Variants in AMBRA1 observed in about 807,000 individuals in gnomAD.
The protein encoded by AMBRA1 is activating molecule in BECN1-regulated autophagy protein 1.
AMBRA1 carries 47 observed loss-of-function variants against 125.4 expected under a neutral mutation model. The observed-to-expected ratio is 0.37, with a 90% CI of 0.30 to 0.48. The LOEUF (loss-of-function observed/expected upper bound fraction) is 0.48. Among genes scored for constraint, AMBRA1 ranks in the 20% least tolerant of loss-of-function variants. The pLI, the probability that AMBRA1 is intolerant of heterozygous loss-of-function variation, is 0.99. For missense variants in AMBRA1, 1,331 were observed against 1,693.4 expected (o/e 0.79, Z 3.76); for synonymous variants, 626 against 655.5 (o/e 0.95, Z 0.69).
intron 11 of AMBRA1, among the ~76,000 whole-genome samples, chr11:46,476,188 G>A (rs1427960538): frequency 6.6e-6 from 1 of 152,212 alleles, no homozygotes; most frequent in East Asian, 1.9e-4. Context: ...AAATCAGCCA[G>A]TCAGTGTTTC....
intron 11 of AMBRA1, among the ~76,000 whole-genome samples, chr11:46,492,557 AT>A (rs1554986037): frequency 6.6e-6 from 1 of 152,220 alleles, no homozygotes; most frequent in Non-Finnish European, 1.5e-5. Flanking sequence ...TCATAAATTT[AT>A]AAGTCGGCAG....
rs566487785 is a variant in AMBRA1, at chr11:46,567,546, A to G, written c.-120-19046T>C. On this transcript the variant is annotated intron_variant, in intron 1 of 17. Transcript: ENST00000683756. The stretch of plus-strand genomic sequence containing the variant: ...ACATTAATTTTCATATTTTTAGTAG[A>G]GATGGGGTTTCGCCATGTTGGCCAA... Among the ~76,000 whole-genome samples the G allele has an allele frequency of 1.1e-3, 164 of 151,476 alleles. 3 individuals carry two copies. In the South Asian group the frequency reaches 0.033, roughly 31 times the overall value.
rs188092868 is a variant in AMBRA1 at position 46,572,919 on chromosome 11, G to A, written c.-121+20909C>T. Among the ~76,000 whole-genome samples the A allele has an allele frequency of 2.9e-3, 439 of 151,712 alleles. 4 individuals are homozygous for A. The highest frequency in any genetic ancestry group is 9.6e-3 in the African/African-American group (398 of 41,358). On this transcript the variant is annotated intron_variant, in intron 1 of 17. Coordinates refer to ENST00000683756, the MANE Select transcript of AMBRA1 (RefSeq NM_001387011.1). ...AGCCTGCCCAACCTGGTGAAACTCCGTCTCTACTAAAAATAAAAAAAATTA... is the reference window on the plus strand; with the variant it reads ...AGCCTGCCCAACCTGGTGAAACTCCATCTCTACTAAAAATAAAAAAAATTA...
intron 1 of AMBRA1, among the ~76,000 whole-genome samples, chr11:46,580,136 A>G (rs112460328): frequency 6.6e-5 from 10 of 152,304 alleles, no homozygotes; most frequent in East Asian, 1.9e-4. Context: ...ATAATCATCA[A>G]TGATCTCTGT....
intron 11 of AMBRA1, among the ~76,000 whole-genome samples, chr11:46,444,856 T>A (rs1948199726): frequency 6.6e-6 from 1 of 152,202 alleles, no homozygotes; most frequent in African/African-American, 2.4e-5. Flanking sequence ...CTCTCTGCAC[T>A]CTTCCGGTTG....
intron 14 of AMBRA1, among the ~76,000 whole-genome samples, chr11:46,427,654 C>G (rs1372312792): frequency 2.6e-5 from 4 of 152,160 alleles, no homozygotes; most frequent in Non-Finnish European, 5.9e-5. Flanking sequence ...GATGTGGTCC[C>G]CTGGGGGCAC....
intron 8 of AMBRA1, among the ~76,000 whole-genome samples, chr11:46,509,261 T>C (rs1042071577): frequency 1.3e-5 from 2 of 152,196 alleles, no homozygotes; most frequent in Non-Finnish European, 2.9e-5. Flanking sequence ...TTATATACAA[T>C]TCTCCACATT....
chr11:46,410,129 T>C, intron 16 of AMBRA1, 147 bp downstream of exon 16: 3 of 698,054 alleles, frequency 4.3e-6, no homozygotes, highest in Non-Finnish European at 7.5e-6. Context: ...TTTTCTCAAA[T>C]GAAACTGTAC....
chr11:46,442,779 A>T (rs1948082452), intron 12 of AMBRA1, among the ~76,000 whole-genome samples: 1 of 152,264 alleles, frequency 6.6e-6, no homozygotes, highest in South Asian at 2.1e-4. Context: ...ATTTTAAGGC[A>T]ACTGGCAAAG....
intron 1 of AMBRA1, among the ~76,000 whole-genome samples, chr11:46,554,821 T>C (rs926614919): frequency 6.6e-6 from 1 of 152,192 alleles, no homozygotes; most frequent in Admixed American, 6.5e-5. Context: ...TAAAGCAGAC[T>C]GAGACAAAGG....
At position 46,570,252 on chromosome 11, in the gene AMBRA1, A is replaced by G. The variant is rs185060526; in HGVS notation, c.-120-21752T>C. Among the ~76,000 whole-genome samples, 3 of 127,204 alleles carry G rather than the reference A, an allele frequency of 2.4e-5. No individual in the cohort carries two copies. The East Asian group carries it at 7.2e-4, about 31-fold the overall frequency. The allele number at this position is 127,204 out of a possible 152,430, so 83.5% of individuals were successfully genotyped here. ...ACTCCAGCCTGGGCAACACAGTGAG[A>G]CCATGTCTCAAAAAAAAAAAAAAAA... On this transcript the variant is annotated intron_variant, in intron 1 of 17. Transcript: ENST00000683756.
At chr11:46,545,578 C>G (rs777159124) in intron 5 of AMBRA1, 26 bp downstream of exon 5, 2 of 1,610,068 alleles carry the variant, frequency 1.2e-6, no homozygotes, top group South Asian at 2.2e-5. Context: ...CTGTGCCAGA[C>G]AATGCAGATG....
At chr11:46,490,058 C>T (rs1030848532) in intron 11 of AMBRA1, among the ~76,000 whole-genome samples, 4 of 152,198 alleles carry the variant, frequency 2.6e-5, no homozygotes, top group East Asian at 3.8e-4. Context: ...AAAGAGATAA[C>T]GTGGGAAAGA....
At position 46,508,273 on chromosome 11, in the gene AMBRA1, G is replaced by A. The variant is rs539820276; in HGVS notation, c.2257C>T (p.Leu753Phe). The part of the protein sequence containing the change: ...QRSMRYQQNR[L>F]RSSTSSSSSD... ...GAAGAGGAGGAGGTGGAAGAACGGA[G>A]ACGGTTCTGTTGGTAGCGCATGGAG... is the stretch of plus-strand genomic sequence containing the variant. The change falls in exon 9 of 18, where the codon CTC (leucine) becomes TTC (phenylalanine). Residue 753 changes from leucine to phenylalanine, a missense_variant. Leu to Phe is a conservative substitution (Grantham distance 22). Around this residue, in one of 4 missense-constraint regions of AMBRA1, gnomAD observed 689 missense variants for 776.5 expected, o/e 0.89. Transcript: ENST00000683756. 5.1e-5 allele frequency: 83 copies of A among 1,614,240 alleles called. No individual in the cohort carries two copies. In the South Asian group the frequency reaches 8.6e-4, roughly 17 times the overall value.
intron 11 of AMBRA1, among the ~76,000 whole-genome samples, chr11:46,490,817 G>C (rs1457241000): frequency 2.6e-5 from 4 of 152,064 alleles, no homozygotes; most frequent in African/African-American, 9.7e-5. Context: ...TGGTAACCTA[G>C]AACACTGCCT....
At chr11:46,510,360 T>C (rs780643169) in intron 8 of AMBRA1, among the ~76,000 whole-genome samples, 3 of 152,230 alleles carry the variant, frequency 2.0e-5, no homozygotes, top group Non-Finnish European at 2.9e-5. Context: ...TCGATGTTCG[T>C]GCACTGTTCT....
intron 15 of AMBRA1, among the ~76,000 whole-genome samples, chr11:46,411,941 G>A (rs980858554): frequency 2.0e-5 from 3 of 152,082 alleles, no homozygotes; most frequent in Non-Finnish European, 2.9e-5. Context: ...CTGTCTTTTA[G>A]AGGGTAACTA....
In AMBRA1 at chr11:46,542,830, C is replaced by T; in HGVS notation, c.1187G>A (p.Gly396Glu). 6.2e-7 allele frequency: 1 copy of T among 1,614,036 alleles called. No individual in the cohort carries two copies. Among genetic ancestry groups the T allele is most frequent in the Non-Finnish European group, 8.5e-7 (1 of 1,180,002 alleles). Reference sequence around the variant, plus strand: ...AGAAGGGTGGCTAGACAGAGGCCCTCCCAAAGAGCGGCGGGTAGGACCCAG... The same window carrying T: ...AGAAGGGTGGCTAGACAGAGGCCCTTCCAAAGAGCGGCGGGTAGGACCCAG... ...LSLGPTRRSL[G>E]GPLSSHPSRY... The change falls in exon 7 of 18, where the codon GGA becomes GAA. Residue 396 changes from glycine to glutamate, a missense_variant. Physicochemically the swap from Gly to Glu is moderately conservative, Grantham distance 98. Around this residue, in one of 4 missense-constraint regions of AMBRA1, gnomAD observed 689 missense variants for 776.5 expected, o/e 0.89. Coordinates refer to ENST00000683756, the MANE Select transcript of AMBRA1 (RefSeq NM_001387011.1). This position sits in a 1 kb window ranked among gnomAD's most constrained non-coding sequence, Gnocchi z 5.9.
intron 11 of AMBRA1, among the ~76,000 whole-genome samples, chr11:46,472,583 G>A (rs891013022): frequency 6.6e-6 from 1 of 152,178 alleles, no homozygotes; most frequent in African/African-American, 2.4e-5. Flanking sequence ...AAGGAGTCAG[G>A]AGAACAACCT....
Sources: allele counts gnomAD v4.1 joint callset (sites outside exome capture counted in the v4.1 genomes callset), GRCh38; gene constraint gnomAD v4.1.1; regional missense constraint gnomAD v4.1.1; non-coding constraint Gnocchi (gnomAD v3.1); transcripts MANE v1.5; gene names NCBI Gene and HGNC (gene_info 2026-07-23, HGNC 2026-07-21).